Variants in TRAPPC3 observed in about 807,000 individuals in gnomAD.
The protein encoded by TRAPPC3 is trafficking protein particle complex 3.
Under a neutral mutation model 18.2 loss-of-function variants are expected in TRAPPC3, and 5 were observed. The ratio of observed to expected loss-of-function variants is 0.28; its 90% CI spans 0.14 to 0.58. The LOEUF is 0.58. Ranked by LOEUF, TRAPPC3 falls within the 20% of genes least tolerant of loss-of-function variation. The pLI, the probability that TRAPPC3 is intolerant of heterozygous loss-of-function variation, is 0.91. For synonymous variants in TRAPPC3, 65 were observed against 84.2 expected, an observed-to-expected ratio of 0.77 and a Z score of 1.25; for missense variants, 176 against 225.9, an observed-to-expected ratio of 0.78 and a Z score of 1.41.
intron 1 of TRAPPC3, among the ~76,000 whole-genome samples, chr1:36,147,344 T>C (rs1644215835): frequency 6.6e-6 from 1 of 151,822 alleles, no homozygotes; most frequent in Non-Finnish European, 1.5e-5. Context: ...CAAAACAATT[T>C]AGGTCTTGGC....
At chr1:36,154,588 G>A (rs1228829994) in intron 1 of TRAPPC3, among the ~76,000 whole-genome samples, 1 of 152,008 alleles carries the variant, frequency 6.6e-6, no homozygotes, top group Non-Finnish European at 1.5e-5. Flanking sequence ...CTGCAGATAA[G>A]ATGACTGACA....
intron 1 of TRAPPC3, among the ~76,000 whole-genome samples, chr1:36,145,195 G>GT (rs1644175073): frequency 6.8e-6 from 1 of 148,128 alleles, no homozygotes; most frequent in African/African-American, 2.5e-5. Context: ...CTAATTTTTT[G>GT]TATTTTTTTT....
At position 36,140,065 on chromosome 1, in the gene TRAPPC3, T is replaced by C; in HGVS notation, c.140+4A>G. 8 of 1,591,388 alleles carry C rather than the reference T, an allele frequency of 5.0e-6. No individual in the cohort carries two copies. Among genetic ancestry groups the C allele is most frequent in the Non-Finnish European group, 6.8e-6 (8 of 1,171,600 alleles). ...CTGTCTCTCCTATGAAGGAGCTCACTCACATTTTGTCCAGCTGTTTATTCA... is the reference window on the plus strand; with the variant it reads ...CTGTCTCTCCTATGAAGGAGCTCACCCACATTTTGTCCAGCTGTTTATTCA... On this transcript the variant is annotated splice_donor_region_variant and intron_variant, in intron 2 of 4. Coordinates refer to ENST00000373166, the MANE Select transcript of TRAPPC3 (RefSeq NM_014408.5).
chr1:36,137,856 G>C lies in TRAPPC3; in HGVS notation c.363C>G (p.Asn121Lys). 1.9e-6 allele frequency: 3 copies of C among 1,614,176 alleles called. No individual in the cohort carries two copies. Among genetic ancestry groups the C allele is most frequent in the South Asian group, 2.2e-5 (2 of 91,084 alleles). ...PLVDFVELPD[N>K]HSSLIYSNLL... Reference sequence around the variant, plus strand: ...GATTGGAATAAATAAGGGATGAGTGGTTATCAGGAAGTTCCACAAAGTCCA... The same window carrying C: ...GATTGGAATAAATAAGGGATGAGTGCTTATCAGGAAGTTCCACAAAGTCCA... Residue 121 changes from asparagine (N) to lysine (K), a missense_variant, in exon 4 of 5, where the codon AAC (asparagine) becomes AAG (lysine). Physicochemically the swap from Asn to Lys is moderately conservative, Grantham distance 94 (BLOSUM62 0). Transcript: ENST00000373166.
intron 1 of TRAPPC3, 34 bp from the exon 2 acceptor site, chr1:36,140,200 C>G: frequency 1.4e-6 from 2 of 1,432,042 alleles, no homozygotes; most frequent in Non-Finnish European, 1.9e-6. Flanking sequence ...CAGGACCAAG[C>G]AGCACAAAAG....
Position 36,140,586 on chromosome 1 carries a change from C to A in TRAPPC3, c.43-420G>T, listed in dbSNP as rs139224544. On this transcript the variant is annotated intron_variant, in intron 1 of 4. Coordinates refer to ENST00000373166, the MANE Select transcript of TRAPPC3 (RefSeq NM_014408.5). The stretch of plus-strand genomic sequence containing the variant: ...TGGCAGGTGTGACCAATGGTTTCCA[C>A]ATGTCTTAGAATGTCCTGGCCTAGA... The A allele has an allele frequency of 3.1e-3, 477 of 155,800 alleles. 5 individuals are homozygous for A. Among genetic ancestry groups the A allele is most frequent in the African/African-American group, 0.011 (459 of 41,654 alleles). 9.7% of individuals were successfully genotyped at this position (155,800 alleles called of 1,614,324 possible).
chr1:36,138,102 G>A (rs1644052211), intron 3 of TRAPPC3, 124 bp from the exon 4 acceptor site: 1 of 1,567,796 alleles, frequency 6.4e-7, no homozygotes, highest in African/African-American at 1.4e-5. Flanking sequence ...TCTGCAAGAT[G>A]ACACTTCAGA....
chr1:36,149,637 G>T, upstream of TRAPPC3: 1 of 565,068 alleles, frequency 1.8e-6, no homozygotes, highest in Non-Finnish European at 3.2e-6. Context: ...TACAACTCCC[G>T]GAGTGCTCCG....
rs764572529 is a variant in TRAPPC3 at position 36,137,336 on chromosome 1, G to C, written c.424-14C>G. On this transcript the variant is annotated splice_polypyrimidine_tract_variant and intron_variant, in intron 4 of 4. Coordinates refer to ENST00000373166, the MANE Select transcript of TRAPPC3 (RefSeq NM_014408.5). ...AGCCATCTGGACCTGGGGGACAGTG[G>C]GAAAACGAAGGGGTAGCTGCCTGGC... The C allele has an allele frequency of 6.2e-7, 1 of 1,605,046 alleles. No homozygotes were observed.
chr1:36,154,521 G>A (rs1232094382), intron 1 of TRAPPC3, among the ~76,000 whole-genome samples: 1 of 152,114 alleles, frequency 6.6e-6, no homozygotes, highest in South Asian at 2.1e-4. Context: ...AGGCTGTGAG[G>A]CCCCTGACCT....
intron 4 of TRAPPC3, 84 bp from the exon 5 acceptor site, chr1:36,137,406 T>A: frequency 7.1e-7 from 1 of 1,400,760 alleles, no homozygotes; most frequent in East Asian, 2.3e-5. Flanking sequence ...AACTGACTCA[T>A]CCACAGCATC....
chr1:36,140,056 G>C lies in TRAPPC3; in HGVS notation c.140+13C>G, dbSNP rs201359010. ...GCCCCATTTCTGTCTCTCCTATGAAGGAGCTCACTCACATTTTGTCCAGCT... is the reference window on the plus strand; with the variant it reads ...GCCCCATTTCTGTCTCTCCTATGAACGAGCTCACTCACATTTTGTCCAGCT... On this transcript the variant is annotated intron_variant, in intron 2 of 4. Transcript: ENST00000373166. 212 of 1,584,314 alleles carry C rather than the reference G, an allele frequency of 1.3e-4. 1 individual carries two copies. The highest frequency in any genetic ancestry group is 1.2e-4 in the Non-Finnish European group (137 of 1,167,458).
rs1457800336 is a variant in TRAPPC3 at position 36,147,377 on chromosome 1, C to G, written c.42+1960G>C. Among the ~76,000 whole-genome samples the G allele has an allele frequency of 3.3e-5, 5 of 151,794 alleles. No homozygotes were observed. The East Asian group carries it at 9.7e-4, about 29-fold the overall frequency. On this transcript the variant is annotated intron_variant, in intron 1 of 4. Transcript: ENST00000373166. ...GGCAAGCTTAAATGGAACACAGATG[C>G]AATCCCAGTAATTTGTGAAGCAGAG...
At chr1:36,154,541 C>G (rs1333330494) in intron 1 of TRAPPC3, among the ~76,000 whole-genome samples, 1 of 152,186 alleles carries the variant, frequency 6.6e-6, no homozygotes, top group African/African-American at 2.4e-5. Context: ...TCACAAAGGA[C>G]TGTCATGAAC....
intron 1 of TRAPPC3, among the ~76,000 whole-genome samples, chr1:36,147,277 C>T (rs958595705): frequency 3.9e-5 from 6 of 151,968 alleles, no homozygotes; most frequent in Middle Eastern, 6.8e-3. Context: ...GAGCTGAGAT[C>T]GGGCCACTGC....
At chr1:36,137,716 TTCTC>T in intron 4 of TRAPPC3, 76 bp downstream of exon 4, 4 of 1,451,566 alleles carry the variant, frequency 2.8e-6, no homozygotes, top group East Asian at 4.6e-5. Flanking sequence ...GCCCTTTCTT[TTCTC>T]TCTTTCATTC....
chr1:36,141,491 C>A (rs547028202), intron 1 of TRAPPC3, among the ~76,000 whole-genome samples: 1 of 152,244 alleles, frequency 6.6e-6, no homozygotes, highest in East Asian at 1.9e-4. Context: ...TCACGCCATC[C>A]CCATGGCCTG....
chr1:36,155,999 G>A (rs1046165282), exon 1 of TRAPPC3: 8 of 158,740 alleles, frequency 5.0e-5, no homozygotes, highest in Admixed American at 3.2e-4. Context: ...GAGGCGCCGG[G>A]AGGCTGCGGG....
chr1:36,150,770 G>A (rs905107636), upstream of TRAPPC3, among the ~76,000 whole-genome samples: 2 of 152,240 alleles, frequency 1.3e-5, no homozygotes, highest in Non-Finnish European at 2.9e-5. Context: ...AAGGGCCGAG[G>A]GCTCTGGGAA....
Sources: allele counts gnomAD v4.1 joint callset (sites outside exome capture counted in the v4.1 genomes callset), GRCh38; gene constraint gnomAD v4.1.1; transcripts MANE v1.5; gene names NCBI Gene and HGNC (gene_info 2026-07-23, HGNC 2026-07-21).